The following MTSS1 variants were observed in gnomAD, a reference collection of about 807,000 sequenced individuals.
The protein encoded by MTSS1 is MTSS I-BAR domain containing 1, also known as protein MTSS 1.
Under a neutral mutation model 79.0 loss-of-function variants are expected in MTSS1, and 18 were observed. That is an observed-to-expected ratio of 0.23 (90% CI 0.16 to 0.34). MTSS1 has a LOEUF of 0.34. MTSS1 is among the 10% of genes least tolerant of loss of function. The pLI is 1.00. For missense variants in MTSS1, 815 were observed against 986.2 expected, an observed-to-expected ratio of 0.83 and a Z score of 2.33; for synonymous variants, 341 against 368.6, an observed-to-expected ratio of 0.93 and a Z score of 0.86.
chr8:124,611,601 C>T (rs1192315900), intron 3 of MTSS1, among the ~76,000 whole-genome samples: 1 of 152,226 alleles, frequency 6.6e-6, no homozygotes, highest in Non-Finnish European at 1.5e-5. Context: ...CAACACTTTA[C>T]AGATGGCCTT....
At chr8:124,649,672 C>A (rs1297552024) in intron 3 of MTSS1, among the ~76,000 whole-genome samples, 1 of 152,124 alleles carries the variant, frequency 6.6e-6, no homozygotes, top group Non-Finnish European at 1.5e-5. Flanking sequence ...TGAATCCCTG[C>A]AATACTCATC....
intron 3 of MTSS1, among the ~76,000 whole-genome samples, chr8:124,620,192 C>T (rs776670193): frequency 6.6e-4 from 100 of 152,194 alleles, no homozygotes; most frequent in Non-Finnish European, 1.1e-3. Context: ...GTGACCCGCC[C>T]GCCTCAGCCT....
intron 3 of MTSS1, among the ~76,000 whole-genome samples, chr8:124,598,015 A>T (rs1833063590): frequency 6.6e-6 from 1 of 152,196 alleles, no homozygotes; most frequent in African/African-American, 2.4e-5. Context: ...GGCCATGCCT[A>T]TAATCCCAAC....
chr8:124,571,953 G>C (rs1586898318), intron 6 of MTSS1, among the ~76,000 whole-genome samples: 1 of 152,208 alleles, frequency 6.6e-6, no homozygotes, highest in East Asian at 1.9e-4. Flanking sequence ...GACAGAGCAA[G>C]ACTCCATCTA....
chr8:124,593,126 G>A (rs1268085349), intron 3 of MTSS1, among the ~76,000 whole-genome samples: 6 of 152,228 alleles, frequency 3.9e-5, no homozygotes, highest in South Asian at 4.1e-4. Context: ...AGAGGGCGCC[G>A]TTTTCACACA....
At chr8:124,695,953 G>A (rs1828746735) in intron 3 of MTSS1, among the ~76,000 whole-genome samples, 1 of 151,844 alleles carries the variant, frequency 6.6e-6, no homozygotes, top group Admixed American at 6.6e-5. Context: ...GGAGGGGCGG[G>A]GAAGTGGGGA....
At position 124,625,017 on chromosome 8, in the gene MTSS1, C is replaced by A. The variant is rs1408045795; in HGVS notation, c.209-33782G>T. ...AACACGTGCCCCAAATCTGTCAGGG[C>A]CTGGGTGTGTGGATTTCAGATCCAA... is the stretch of plus-strand genomic sequence containing the variant. On this transcript the variant is annotated intron_variant, in intron 3 of 13. Transcript: ENST00000518547. 2.6e-5 allele frequency among the ~76,000 whole-genome samples: 4 copies of A among 152,182 alleles called. No individual in the cohort carries two copies. The East Asian group carries it at 7.7e-4, about 29-fold the overall frequency.
At chr8:124,666,218 T>A (rs992805616) in intron 3 of MTSS1, among the ~76,000 whole-genome samples, 1 of 152,258 alleles carries the variant, frequency 6.6e-6, no homozygotes, top group East Asian at 1.9e-4. Flanking sequence ...GCACTGTGGC[T>A]AGCTCACAAG....
chr8:124,691,552 G>A (rs1475871650), intron 3 of MTSS1, among the ~76,000 whole-genome samples: 1 of 152,038 alleles, frequency 6.6e-6, no homozygotes, highest in Non-Finnish European at 1.5e-5. Context: ...GTCTTGCTCT[G>A]TTGCCCAGGC....
intron 3 of MTSS1, among the ~76,000 whole-genome samples, chr8:124,671,868 T>C (rs189107691): frequency 6.6e-6 from 1 of 152,200 alleles, no homozygotes; most frequent in Non-Finnish European, 1.5e-5. Context: ...ATAAACACAC[T>C]ATGATCAATA....
intron 10 of MTSS1, among the ~76,000 whole-genome samples, chr8:124,559,019 A>C (rs993703206): frequency 1.3e-5 from 2 of 152,204 alleles, no homozygotes; most frequent in Non-Finnish European, 2.9e-5. Context: ...CTTTTCCCCC[A>C]AAGTTGCATC....
At chr8:124,668,736 C>T (rs1030847447) in intron 3 of MTSS1, among the ~76,000 whole-genome samples, 4 of 152,190 alleles carry the variant, frequency 2.6e-5, no homozygotes, top group African/African-American at 7.2e-5. Flanking sequence ...AAAAGCTGAC[C>T]TATACCCAGA....
intron 3 of MTSS1, among the ~76,000 whole-genome samples, chr8:124,697,561 A>C (rs748538729): frequency 2.6e-5 from 4 of 151,182 alleles, no homozygotes; most frequent in Non-Finnish European, 5.9e-5. Flanking sequence ...ATTCTGTCTC[A>C]AAAAAAAACA....
At chr8:124,624,991 C>A (rs1814370674) in intron 3 of MTSS1, among the ~76,000 whole-genome samples, 1 of 152,238 alleles carries the variant, frequency 6.6e-6, no homozygotes, top group Non-Finnish European at 1.5e-5. Context: ...GCGGCTGTAA[C>A]AACACGTGCC....
At chr8:124,676,645 C>T (rs1374849993) in intron 3 of MTSS1, among the ~76,000 whole-genome samples, 2 of 152,244 alleles carry the variant, frequency 1.3e-5, no homozygotes, top group African/African-American at 4.8e-5. Context: ...CTCAGCAAAA[C>T]AAAGAGTCTC....
At chr8:124,686,141 G>C (rs1044346598) in intron 3 of MTSS1, among the ~76,000 whole-genome samples, 2 of 152,202 alleles carry the variant, frequency 1.3e-5, no homozygotes, top group African/African-American at 4.8e-5. Context: ...ACGAAACTCA[G>C]GTGTGTCCAG....
intron 3 of MTSS1, among the ~76,000 whole-genome samples, chr8:124,671,225 C>T (rs1011456543): frequency 6.6e-6 from 1 of 152,014 alleles, no homozygotes; most frequent in African/African-American, 2.4e-5. Flanking sequence ...TCCCACTGAG[C>T]CCTCCTCCAG....
At chr8:124,680,775 C>G (rs1022369191) in intron 3 of MTSS1, among the ~76,000 whole-genome samples, 6 of 152,076 alleles carry the variant, frequency 3.9e-5, no homozygotes, top group African/African-American at 1.4e-4. Context: ...TCTATAGGTA[C>G]GAATGAAGGA....
At chr8:124,580,081 A>C (rs16899762) in intron 6 of MTSS1, 3,974 of 153,896 alleles carry the variant, frequency 0.026, 155 homozygotes, top group African/African-American at 0.089. Flanking sequence ...GGAAAGAACT[A>C]TATGGTCTTG....
Sources: gnomAD v4.1 joint callset for allele counts (sites outside exome capture counted in the v4.1 genomes callset) on GRCh38, gnomAD v4.1.1 for gene constraint, MANE v1.5 for transcripts, NCBI Gene and HGNC (gene_info 2026-07-23, HGNC 2026-07-21) for gene names.